DNAH8: variants seen among roughly 807,000 people sequenced by gnomAD.
DNAH8 encodes dynein axonemal heavy chain 8, also known as axonemal beta dynein heavy chain 8.
A neutral mutation model predicts 562.1 loss-of-function variants in DNAH8; 382 were observed. That is an observed-to-expected ratio of 0.68 (90% CI 0.63 to 0.74). DNAH8 has a LOEUF of 0.74. Ranked by LOEUF, DNAH8 falls within the 30% of genes least tolerant of loss-of-function variation. The pLI, the probability that DNAH8 is intolerant of heterozygous loss-of-function variation, is 0.00. For missense variants in DNAH8, 5,203 were observed against 5,620.4 expected, an observed-to-expected ratio of 0.93 and a Z score of 2.37; for synonymous variants, 1,881 against 1,919.4, an observed-to-expected ratio of 0.98 and a Z score of 0.52.
chr6:38,843,861 G>A (rs191196777), intron 35 of DNAH8, among the ~76,000 whole-genome samples: 1 of 152,130 alleles, frequency 6.6e-6, no homozygotes, highest in African/African-American at 2.4e-5. Flanking sequence ...TTGTGTCTTC[G>A]TTTTCCTTGT....
At chr6:38,808,894 A>T (rs1258985951) in intron 24 of DNAH8, among the ~76,000 whole-genome samples, 1 of 152,162 alleles carries the variant, frequency 6.6e-6, no homozygotes, top group African/African-American at 2.4e-5. Flanking sequence ...AAATAATGAG[A>T]ACACATGGAC....
intron 92 of DNAH8, among the ~76,000 whole-genome samples, chr6:39,029,346 G>C (rs927660159): frequency 6.6e-6 from 1 of 152,086 alleles, no homozygotes; most frequent in Non-Finnish European, 1.5e-5. Flanking sequence ...CCTCTACAGA[G>C]GCTCCTGAGC....
chr6:38,735,957 G>A (rs1764053065), intron 5 of DNAH8, among the ~76,000 whole-genome samples: 1 of 152,084 alleles, frequency 6.6e-6, no homozygotes. Flanking sequence ...GGGCAACAGA[G>A]TGAAACCCTG....
intron 5 of DNAH8, 46 bp from the exon 6 acceptor site, chr6:38,737,021 T>C: frequency 2.2e-6 from 3 of 1,354,002 alleles, no homozygotes; most frequent in Non-Finnish European, 2.9e-6. Context: ...TTCAGTTCTT[T>C]AGTGGGATTA....
chr6:38,764,830 C>T lies in DNAH8; in HGVS notation c.1617+3027C>T, dbSNP rs1476107944. Reference sequence around the variant, plus strand: ...AGAAATGTCTTTTGAGGTCCTTTGTCCATTTTTTAAATGTTTTTTTTTGAG... The same window carrying T: ...AGAAATGTCTTTTGAGGTCCTTTGTTCATTTTTTAAATGTTTTTTTTTGAG... On this transcript the variant is annotated intron_variant, in intron 11 of 92. Transcript: ENST00000327475. 2.1e-5 allele frequency: 3 copies of T among 145,556 alleles called. No individual in the cohort carries two copies. The Admixed American group carries it at 2.2e-4, about 10-fold the overall frequency. 9.0% of individuals were successfully genotyped at this position (145,556 alleles called of 1,614,324 possible). A position where few individuals can be genotyped will look rare whatever the true frequency, so the allele number is the denominator to read the frequency against.
chr6:39,024,164 G>A (rs1472088327), intron 91 of DNAH8, among the ~76,000 whole-genome samples: 2 of 152,204 alleles, frequency 1.3e-5, no homozygotes, highest in African/African-American at 4.8e-5. Flanking sequence ...TAGCCACAAG[G>A]AATGAGGTCA....
chr6:38,754,223 G>A (rs763966700), intron 9 of DNAH8, among the ~76,000 whole-genome samples: 27 of 152,268 alleles, frequency 1.8e-4, no homozygotes, highest in Admixed American at 3.9e-4. Context: ...TGTAAATAAT[G>A]ATGTTTAAAG....
intron 10 of DNAH8, among the ~76,000 whole-genome samples, chr6:38,757,295 A>C (rs914311375): frequency 3.3e-5 from 5 of 152,098 alleles, no homozygotes; most frequent in Non-Finnish European, 7.4e-5. Flanking sequence ...TTTTTCATGT[A>C]TCTTTTGGCT....
At chr6:38,893,834 G>A (rs1779501225) in intron 58 of DNAH8, among the ~76,000 whole-genome samples, 1 of 152,162 alleles carries the variant, frequency 6.6e-6, no homozygotes. Flanking sequence ...TGGGGTGTTT[G>A]TATCACCAGA....
intron 88 of DNAH8, among the ~76,000 whole-genome samples, chr6:39,002,018 G>A (rs1170730919): frequency 6.6e-6 from 1 of 152,182 alleles, no homozygotes; most frequent in Non-Finnish European, 1.5e-5. Context: ...GGGCAACTGG[G>A]CAGACATTGA....
intron 10 of DNAH8, among the ~76,000 whole-genome samples, chr6:38,757,965 G>A: frequency 6.6e-6 from 1 of 152,170 alleles, no homozygotes. Flanking sequence ...GATGCCTCTA[G>A]CTTTGTTCTT....
chr6:38,797,716 C>T (rs1179068989), intron 21 of DNAH8, among the ~76,000 whole-genome samples: 2 of 152,116 alleles, frequency 1.3e-5, no homozygotes, highest in African/African-American at 4.8e-5. Flanking sequence ...TGTTAATTGT[C>T]TTTGTTTCTC....
rs548037184 is a variant in DNAH8, at chr6:38,858,280, A to C, written c.5958+538A>C. 2.0e-5 allele frequency among the ~76,000 whole-genome samples: 3 copies of C among 152,254 alleles called. No individual in the cohort carries two copies. The South Asian group carries it at 6.2e-4, about 32-fold the overall frequency. ...TGGTTTTGAAATGCCACTATTTGAT[A>C]ATCTTTACCTCCCATTTAACTCCTA... On this transcript the variant is annotated intron_variant, in intron 42 of 92. Transcript: ENST00000327475.
chr6:38,781,368 T>C lies in DNAH8; in HGVS notation c.2254T>C (p.Phe752Leu). 1.2e-6 allele frequency: 2 copies of C among 1,612,918 alleles called. No individual in the cohort carries two copies. Among genetic ancestry groups the C allele is most frequent in the Non-Finnish European group, 1.7e-6 (2 of 1,179,548 alleles). ...CCGGATAAGTGAGCCCATCAATTAT[T>C]TCTTTGTAAGCCAAGAATTAAATTT... Reference protein sequence around the residue: ...YRRISEPINYFFKNSDILSSP... With the variant: ...YRRISEPINYLFKNSDILSSP... Residue 752 changes from phenylalanine to leucine, a missense_variant, in exon 16 of 93, where the codon TTC becomes CTC. Physicochemically the swap from Phe to Leu is conservative, Grantham distance 22. Transcript: ENST00000327475.
rs977466390 is a variant in DNAH8 at position 39,017,632 on chromosome 6, T to C, written c.13714+4995T>C. Among the ~76,000 whole-genome samples the C allele has an allele frequency of 5.3e-5, 8 of 152,298 alleles. No homozygotes were observed. In the South Asian group the frequency reaches 6.2e-4, roughly 12 times the overall value. On this transcript the variant is annotated intron_variant, in intron 91 of 92. Transcript: ENST00000327475. ...CATTTAGATGCCAAATTGTGCCCAC[T>C]TTTTTCTGTTATTTTTTTCTCAGTG...
chr6:38,763,162 G>T, intron 11 of DNAH8: 1 of 309,556 alleles, frequency 3.2e-6, no homozygotes, highest in South Asian at 3.0e-5. Context: ...GTGAAAAGAG[G>T]AGCATTTAAC....
rs1487747795 is a variant in DNAH8 at position 38,974,454 on chromosome 6, C to T, written c.12759C>T (p.Asp4253=). The change falls in exon 85 of 93, where the codon GAC becomes GAT. Residue 4253 remains aspartate (D), a synonymous_variant. Transcript: ENST00000327475. ...LKRTFAGINQ[D]LLDISNLPMW... is the part of the protein sequence containing the mutation. ...GAACATTTGCTGGAATTAATCAAGACCTTCTGGACATCAGTAATTTACCCA... is the reference window on the plus strand; with the variant it reads ...GAACATTTGCTGGAATTAATCAAGATCTTCTGGACATCAGTAATTTACCCA... 1 of 1,613,444 alleles carries T rather than the reference C, an allele frequency of 6.2e-7. No individual in the cohort carries two copies. Among genetic ancestry groups the T allele is most frequent in the Non-Finnish European group, 8.5e-7 (1 of 1,179,496 alleles).
At chr6:38,834,476 A>G in intron 31 of DNAH8, 103 bp from the exon 32 acceptor site, 1 of 751,702 alleles carries the variant, frequency 1.3e-6, no homozygotes. Context: ...AATTTAAATT[A>G]AAAAAATGCT....
chr6:38,860,429 TA>T, intron 42 of DNAH8, 27 bp from the exon 43 acceptor site: 1 of 1,314,712 alleles, frequency 7.6e-7, no homozygotes, highest in Middle Eastern at 2.0e-4. Context: ...ATTCAGTATA[TA>T]ATTTTTTTGT....
Sources: gnomAD v4.1 joint callset for allele counts (sites outside exome capture counted in the v4.1 genomes callset) on GRCh38, gnomAD v4.1.1 for gene constraint, MANE v1.5 for transcripts, NCBI Gene and HGNC (gene_info 2026-07-23, HGNC 2026-07-21) for gene names.